The following DGKI variants were observed in gnomAD, a reference collection of about 807,000 sequenced individuals.
The protein encoded by DGKI is DAG kinase iota.
Under a neutral mutation model 147.5 loss-of-function variants are expected in DGKI, and 55 were observed. The ratio of observed to expected loss-of-function variants is 0.37; its 90% confidence interval spans 0.30 to 0.47. The LOEUF (loss-of-function observed/expected upper bound fraction) is 0.47, where lower values mean the gene tolerates loss of function less well. DGKI is among the 20% of genes least tolerant of loss of function. The probability of loss-of-function intolerance (pLI) is 1.00; values close to 1 mark genes in which losing one functional copy is unlikely to be tolerated. For missense variants in DGKI, 1,007 were observed against 1,323.8 expected (o/e 0.76, Z 3.71); for synonymous variants, 469 against 477.1 (o/e 0.98, Z 0.22).
chr7:137,485,517 A>G, intron 22 of DGKI, 99 bp from the exon 23 acceptor site: 1 of 885,368 alleles, frequency 1.1e-6, no homozygotes, highest in South Asian at 1.6e-5. Context: ...TAATATTACT[A>G]TGCTCATCTG....
chr7:137,683,805 T>C (rs538168296), intron 2 of DGKI, among the ~76,000 whole-genome samples: 2 of 151,920 alleles, frequency 1.3e-5, no homozygotes, highest in South Asian at 2.1e-4. Context: ...TATATTTACA[T>C]TGATAGATTT....
chr7:137,648,099 GT>G (rs1349066898), intron 5 of DGKI, among the ~76,000 whole-genome samples: 1 of 152,064 alleles, frequency 6.6e-6, no homozygotes, highest in African/African-American at 2.4e-5. Flanking sequence ...ACAGTCAGTA[GT>G]AGAAATATTG....
chr7:137,422,595 C>CTTTTTTTTTTTTTTTTTT lies in DGKI; in HGVS notation c.2762-10406_2762-10389dup, dbSNP rs60494368. ...TTGTAAAGCATTTTCTTTTTCTTTTCTTTTTTTTTTTTTTTTTTTTTTTTT... is the reference window on the plus strand; with the variant it reads ...TTGTAAAGCATTTTCTTTTTCTTTTCTTTTTTTTTTTTTTTTTTTTTTTTTTTTTTTTTTTTTTTTTTT... On this transcript the variant is annotated intron_variant, in intron 28 of 32. Transcript: ENST00000614521. Among the ~76,000 whole-genome samples the CTTTTTTTTTTTTTTTTTT allele has an allele frequency of 3.7e-3, 228 of 61,994 alleles. 21 individuals carry two copies. Among genetic ancestry groups the CTTTTTTTTTTTTTTTTTT allele is most frequent in the Non-Finnish European group, 5.0e-3 (178 of 35,538 alleles). 40.7% of individuals were successfully genotyped at this position (61,994 alleles called of 152,430 possible). A position where few individuals can be genotyped will look rare whatever the true frequency, so the allele number is the denominator to read the frequency against.
At chr7:137,560,317 G>C (rs1248003979) in intron 19 of DGKI, among the ~76,000 whole-genome samples, 1 of 152,114 alleles carries the variant, frequency 6.6e-6, no homozygotes, top group African/African-American at 2.4e-5. Flanking sequence ...TGGCCTATGA[G>C]ACAATAACAA....
At chr7:137,587,799 C>T (rs1819460324) in intron 12 of DGKI, among the ~76,000 whole-genome samples, 2 of 152,154 alleles carry the variant, frequency 1.3e-5, no homozygotes, top group South Asian at 4.1e-4. Context: ...GAATATCCCT[C>T]TATTTTCCTT....
chr7:137,414,927 AT>A (rs1241537977), intron 28 of DGKI, among the ~76,000 whole-genome samples: 1 of 152,208 alleles, frequency 6.6e-6, no homozygotes, highest in Non-Finnish European at 1.5e-5. Context: ...TTAGGATAAA[AT>A]TTTTAAAGTG....
chr7:137,575,644 A>C (rs2128978015), intron 17 of DGKI, among the ~76,000 whole-genome samples: 1 of 152,340 alleles, frequency 6.6e-6, no homozygotes, highest in South Asian at 2.1e-4. Flanking sequence ...GCTGCTACTT[A>C]AATTTAATAG....
At chr7:137,483,994 G>A (rs1394667792) in intron 23 of DGKI, among the ~76,000 whole-genome samples, 1 of 152,036 alleles carries the variant, frequency 6.6e-6, no homozygotes, top group East Asian at 1.9e-4. Flanking sequence ...AAATTTGGTG[G>A]AAATTTGTCT....
intron 6 of DGKI, among the ~76,000 whole-genome samples, chr7:137,634,489 C>A (rs1046829888): frequency 6.6e-6 from 1 of 152,164 alleles, no homozygotes; most frequent in Admixed American, 6.5e-5. Flanking sequence ...TGGAGAAATA[C>A]CTGTCCATGA....
intron 1 of DGKI, among the ~76,000 whole-genome samples, chr7:137,707,634 C>A (rs1187302010): frequency 6.6e-6 from 1 of 152,132 alleles, no homozygotes. Flanking sequence ...TTTTCTTCCT[C>A]CTGCTCTGGT....
intron 19 of DGKI, among the ~76,000 whole-genome samples, chr7:137,555,561 G>A (rs1818196922): frequency 6.6e-6 from 1 of 151,826 alleles, no homozygotes; most frequent in African/African-American, 2.4e-5. Context: ...TAAGGAGCTA[G>A]CTAAAGAGAT....
rs1811131823 is a variant in DGKI, at chr7:137,384,553, C to A, written c.*6667G>T. On this transcript the variant is annotated 3_prime_UTR_variant, in exon 33 of 33. Coordinates refer to ENST00000614521, the MANE Select transcript of DGKI (RefSeq NM_001321708.2). Reference sequence around the variant, plus strand: ...GTTCTGGCTGCAGCACTATCATTTGCTATATGAATCTGCACAGGCTGAATT... The same window carrying A: ...GTTCTGGCTGCAGCACTATCATTTGATATATGAATCTGCACAGGCTGAATT... 6.6e-6 allele frequency: 1 copy of A among 152,050 alleles called. No individual in the cohort carries two copies. The highest frequency in any genetic ancestry group is 2.4e-5 in the African/African-American group (1 of 41,408). The allele number at this position is 152,050 out of a possible 1,614,324, so 9.4% of individuals were successfully genotyped here. A position where few individuals can be genotyped will look rare whatever the true frequency, so the allele number is the denominator to read the frequency against.
chr7:137,735,775 C>T (rs1047949258), intron 1 of DGKI, among the ~76,000 whole-genome samples: 2 of 151,940 alleles, frequency 1.3e-5, no homozygotes, highest in East Asian at 3.9e-4. Flanking sequence ...TTAAGCACAC[C>T]GATTAGGATA....
intron 20 of DGKI, among the ~76,000 whole-genome samples, chr7:137,523,725 T>C (rs372463396): frequency 1.4e-4 from 22 of 152,260 alleles, no homozygotes; most frequent in Admixed American, 2.6e-4. Context: ...TATGGACAAA[T>C]AAAGCCGAAG....
chr7:137,488,389 A>T (rs975696635), intron 21 of DGKI, among the ~76,000 whole-genome samples: 8 of 152,200 alleles, frequency 5.3e-5, no homozygotes, highest in Non-Finnish European at 1.2e-4. Flanking sequence ...GACAAGACTA[A>T]GTTATGCACC....
intron 10 of DGKI, among the ~76,000 whole-genome samples, chr7:137,603,506 C>T (rs1055097976): frequency 7.9e-5 from 12 of 152,160 alleles, no homozygotes; most frequent in Admixed American, 2.0e-4. Context: ...TTGATAAATA[C>T]GTATTAGGCC....
chr7:137,819,512 G>A (rs529309022), intron 1 of DGKI, among the ~76,000 whole-genome samples: 47 of 151,974 alleles, frequency 3.1e-4, no homozygotes, highest in African/African-American at 1.0e-3. Flanking sequence ...GGGTTTCACC[G>A]TGTTAGCCAG....
intron 1 of DGKI, among the ~76,000 whole-genome samples, chr7:137,708,703 G>A (rs1461818254): frequency 6.6e-6 from 1 of 152,146 alleles, no homozygotes; most frequent in Non-Finnish European, 1.5e-5. Context: ...TATGATCTCA[G>A]GGGAAAAACC....
rs6961585 is a variant in DGKI, at chr7:137,656,843, T to C, written c.607-303A>G. On this transcript the variant is annotated intron_variant, in intron 3 of 32. Coordinates refer to ENST00000614521, the MANE Select transcript of DGKI (RefSeq NM_001321708.2). ...GAGCATATAACAAGAACTGGCTCTT[T>C]GTTCTGTCATTTCTAAGTTTCAGAA... Among the ~76,000 whole-genome samples, 1,482 of 152,336 alleles carry C rather than the reference T, an allele frequency of 9.7e-3. 28 individuals are homozygous for C. Among genetic ancestry groups the C allele is most frequent in the African/African-American group, 0.035 (1,436 of 41,568 alleles).
Sources: gnomAD v4.1 joint callset for allele counts (sites outside exome capture counted in the v4.1 genomes callset) on GRCh38, gnomAD v4.1.1 for gene constraint, MANE v1.5 for transcripts, NCBI Gene and HGNC (gene_info 2026-07-23, HGNC 2026-07-21) for gene names.